SEZ6L: variants seen among roughly 807,000 people sequenced by gnomAD.
SEZ6L encodes the protein seizure 6-like protein.
SEZ6L carries 37 observed loss-of-function variants against 106.2 expected under a neutral mutation model. The observed-to-expected ratio is 0.35, with a 90% CI of 0.27 to 0.46. SEZ6L has a LOEUF of 0.46. SEZ6L is among the 20% of genes least tolerant of loss of function. SEZ6L has a pLI of 1.00. For synonymous variants in SEZ6L, 541 were observed against 570.4 expected (o/e 0.95, Z 0.73); for missense variants, 1,172 against 1,332.8 (o/e 0.88, Z 1.88).
chr22:26,219,844 C>G (rs140931719), intron 1 of SEZ6L, among the ~76,000 whole-genome samples: 1 of 152,080 alleles, frequency 6.6e-6, no homozygotes, highest in African/African-American at 2.4e-5. Flanking sequence ...CTAATGCATG[C>G]GGGACTTAAT....
At chr22:26,348,913 GGGGAGGGAGGGAAGGAAGGAA>G (rs2083180705) in intron 11 of SEZ6L, among the ~76,000 whole-genome samples, 1 of 103,160 alleles carries the variant, frequency 9.7e-6, no homozygotes, top group African/African-American at 3.8e-5. Flanking sequence ...GAATGAAAGA[GGGGAGGGAGGGAAGGAAGGAA>G]GGGAGGGAGG....
In SEZ6L at chr22:26,316,249, C is replaced by T. The variant is rs145764201; in HGVS notation, c.2015+2347C>T. On this transcript the variant is annotated intron_variant, in intron 9 of 16. Coordinates refer to ENST00000248933, the MANE Select transcript of SEZ6L (RefSeq NM_021115.5). ...TGGTTGTTCCTTCAGTGGTAAAATT[C>T]ATATTGGAAAGAATGGAATGGATTG... 2.1e-3 allele frequency among the ~76,000 whole-genome samples: 321 copies of T among 152,132 alleles called. 2 individuals carry two copies. Among genetic ancestry groups the T allele is most frequent in the Middle Eastern group, 6.8e-3 (2 of 294 alleles).
At chr22:26,359,769 C>T (rs2083553501) in intron 12 of SEZ6L, among the ~76,000 whole-genome samples, 1 of 152,034 alleles carries the variant, frequency 6.6e-6, no homozygotes, top group African/African-American at 2.4e-5. Context: ...CGCCACTGCA[C>T]TCCAGCCTGG....
chr22:26,171,089 AT>A (rs1015004506), intron 1 of SEZ6L, among the ~76,000 whole-genome samples: 1 of 152,102 alleles, frequency 6.6e-6, no homozygotes, highest in African/African-American at 2.4e-5. Flanking sequence ...CAGGCATTTT[AT>A]CCCCCATCTC....
intron 9 of SEZ6L, among the ~76,000 whole-genome samples, chr22:26,320,639 T>A (rs528875312): frequency 6.6e-6 from 1 of 152,088 alleles, no homozygotes; most frequent in South Asian, 2.1e-4. Flanking sequence ...GGAGCCATGT[T>A]GTAGGCTGAT....
At chr22:26,226,399 A>G (rs1428858415) in intron 1 of SEZ6L, among the ~76,000 whole-genome samples, 1 of 152,234 alleles carries the variant, frequency 6.6e-6, no homozygotes, top group East Asian at 1.9e-4. Context: ...AAGTTCACTT[A>G]GTGGCTTCTC....
At chr22:26,317,677 C>T (rs1266750652) in intron 9 of SEZ6L, among the ~76,000 whole-genome samples, 1 of 152,160 alleles carries the variant, frequency 6.6e-6, no homozygotes, top group Non-Finnish European at 1.5e-5. Flanking sequence ...ATTAAAGCTT[C>T]CCCAAAGCCA....
intron 1 of SEZ6L, among the ~76,000 whole-genome samples, chr22:26,195,714 T>C (rs1180585935): frequency 1.3e-5 from 2 of 152,076 alleles, no homozygotes; most frequent in Non-Finnish European, 2.9e-5. Flanking sequence ...TTAATATGTG[T>C]GTGTATGTAT....
intron 12 of SEZ6L, among the ~76,000 whole-genome samples, chr22:26,352,162 A>C (rs1051308401): frequency 1.3e-5 from 2 of 148,414 alleles, no homozygotes; most frequent in Admixed American, 6.7e-5. Context: ...CCCTGCCTCA[A>C]AAAAAAAAAA....
At chr22:26,374,262 T>C (rs1397154113) in intron 14 of SEZ6L, among the ~76,000 whole-genome samples, 1 of 140,476 alleles carries the variant, frequency 7.1e-6, no homozygotes, top group Non-Finnish European at 1.6e-5. Flanking sequence ...ATATATTGTT[T>C]CTTTTTTTTT....
intron 5 of SEZ6L, among the ~76,000 whole-genome samples, chr22:26,304,369 G>GAAGAAAGAAAGAAAGAAAGA (rs35971247): frequency 9.4e-4 from 92 of 98,294 alleles, no homozygotes; most frequent in East Asian, 2.0e-3. Context: ...AAAAAAGAAA[G>GAAGAAAGAAAGAAAGAAAGA]AAGAAAGAAA....
At chr22:26,341,929 G>A (rs2082849784) in intron 10 of SEZ6L, among the ~76,000 whole-genome samples, 1 of 152,154 alleles carries the variant, frequency 6.6e-6, no homozygotes, top group Non-Finnish European at 1.5e-5. Context: ...ACTGATTCCA[G>A]TCCCAGAAGA....
chr22:26,292,685 T>C lies in SEZ6L; in HGVS notation c.374T>C (p.Val125Ala). Residue 125 changes from valine (V) to alanine (A), a missense_variant, in exon 2 of 17, where the codon GTG (valine) becomes GCG (alanine). Val to Ala is a moderately conservative substitution (Grantham distance 64). This residue lies in a region of SEZ6L where 494 missense variants were observed against 445.8 expected (regional missense o/e 1.11). Coordinates refer to ENST00000248933, the MANE Select transcript of SEZ6L (RefSeq NM_021115.5). Reference sequence around the variant, plus strand: ...AAGAAACTGCCTTCGCTCAAGCAGGTGAACTCTGCCAGGAAGCAGCTGAGG... The same window carrying C: ...AAGAAACTGCCTTCGCTCAAGCAGGCGAACTCTGCCAGGAAGCAGCTGAGG... ...PKKKLPSLKQ[V>A]NSARKQLRPK... 2 of 1,613,104 alleles carry C rather than the reference T, an allele frequency of 1.2e-6. No individual in the cohort carries two copies. The highest frequency in any genetic ancestry group is 2.2e-5 in the South Asian group (2 of 91,002).
intron 10 of SEZ6L, among the ~76,000 whole-genome samples, chr22:26,346,788 G>A (rs1569472379): frequency 6.6e-6 from 1 of 152,232 alleles, no homozygotes; most frequent in Non-Finnish European, 1.5e-5. Context: ...TCTGAAGCAA[G>A]TGATTCAATA....
chr22:26,212,154 A>T (rs182310659), intron 1 of SEZ6L, among the ~76,000 whole-genome samples: 1 of 152,308 alleles, frequency 6.6e-6, no homozygotes, highest in East Asian at 1.9e-4. Flanking sequence ...AAGGAATTAG[A>T]AGCGGGTCAA....
At chr22:26,267,409 A>T (rs1375713777) in intron 1 of SEZ6L, among the ~76,000 whole-genome samples, 2 of 152,204 alleles carry the variant, frequency 1.3e-5, no homozygotes, top group Non-Finnish European at 2.9e-5. Flanking sequence ...TGAGGCTGGT[A>T]ATATAACCAA....
rs1043480106 is a variant in SEZ6L at position 26,329,424 on chromosome 22, T to C, written c.2016-11012T>C. ...CGGAGGTTGCAGTGAGCCAAGATCA[T>C]GCCATTGCACTCCAGCCTGGATGAC... is the stretch of plus-strand genomic sequence containing the variant. On this transcript the variant is annotated intron_variant, in intron 9 of 16. Transcript: ENST00000248933. 2.6e-5 allele frequency among the ~76,000 whole-genome samples: 4 copies of C among 152,082 alleles called. No individual in the cohort carries two copies. In the South Asian group the frequency reaches 8.3e-4, roughly 32 times the overall value.
At chr22:26,367,882 C>T (rs2083875791) in intron 13 of SEZ6L, among the ~76,000 whole-genome samples, 1 of 152,172 alleles carries the variant, frequency 6.6e-6, no homozygotes, top group Non-Finnish European at 1.5e-5. Context: ...AAGCCTCGCC[C>T]CCACCTCCCA....
In SEZ6L at chr22:26,259,706, C is replaced by T. The variant is rs906396433; in HGVS notation, c.95-32700C>T. On this transcript the variant is annotated intron_variant, in intron 1 of 16. Coordinates refer to ENST00000248933, the MANE Select transcript of SEZ6L (RefSeq NM_021115.5). Reference sequence around the variant, plus strand: ...TAGCTCAAGTATTTAAAGGAGGCACCCATGCGGGGTGCTGTCCGCTGTGCT... The same window carrying T: ...TAGCTCAAGTATTTAAAGGAGGCACTCATGCGGGGTGCTGTCCGCTGTGCT... 1.4e-4 allele frequency among the ~76,000 whole-genome samples: 21 copies of T among 152,238 alleles called. 1 individual carries two copies. In the South Asian group the frequency reaches 3.3e-3, roughly 24 times the overall value.
Sources: gnomAD v4.1 joint callset for allele counts (sites outside exome capture counted in the v4.1 genomes callset) on GRCh38, gnomAD v4.1.1 for gene constraint, gnomAD v4.1.1 regional missense constraint, MANE v1.5 for transcripts, NCBI Gene and HGNC (gene_info 2026-07-23, HGNC 2026-07-21) for gene names.